The following SUPT6H variants were observed in gnomAD, a reference collection of about 807,000 sequenced individuals.
The protein encoded by SUPT6H is SPT6 homolog, histone chaperone and transcription elongation factor, also known as transcription elongation factor SPT6.
A neutral mutation model predicts 222.3 loss-of-function variants in SUPT6H; 11 were observed. That is an observed-to-expected ratio of 0.05 (90% confidence interval 0.03 to 0.08). SUPT6H has a LOEUF of 0.08. Ranked by LOEUF, SUPT6H falls within the 10% of genes least tolerant of loss-of-function variation. The pLI is 1.00. For synonymous variants in SUPT6H, 762 were observed against 801.2 expected (o/e 0.95, Z 0.83); for missense variants, 1,422 against 2,216.0 (o/e 0.64, Z 7.19).
chr17:28,701,393 C>G (rs767139885), intron 36 of SUPT6H, 46 bp from the exon 37 acceptor site: 1 of 1,592,384 alleles, frequency 6.3e-7, no homozygotes, highest in South Asian at 1.1e-5. Flanking sequence ...GGTGGGAAGA[C>G]TTCCTTCTAG....
In SUPT6H at chr17:28,662,273, T is replaced by C. The variant is rs2072067614; in HGVS notation, c.-101T>C. The C allele has an allele frequency of 6.1e-6, 1 of 164,388 alleles. No homozygotes were observed. The highest frequency in any genetic ancestry group is 2.8e-3 in the Middle Eastern group (1 of 362). 10.2% of individuals were successfully genotyped at this position (164,388 alleles called of 1,614,324 possible). The stretch of plus-strand genomic sequence containing the variant: ...GTGGGTCCGTACTATCTTTTCCCAG[T>C]CTCGGTTCGACGACTCCATTTTCCT... On this transcript the variant is annotated 5_prime_UTR_variant, in exon 1 of 37. Transcript: ENST00000314616.
intron 1 of SUPT6H, among the ~76,000 whole-genome samples, chr17:28,667,436 T>TATATATAC (rs56080250): frequency 1.5e-5 from 2 of 132,424 alleles, no homozygotes; most frequent in African/African-American, 5.6e-5. Flanking sequence ...TATATATATA[T>TATATATAC]GTATGTGTGT....
chr17:28,666,899 T>C (rs2030058490), intron 1 of SUPT6H, among the ~76,000 whole-genome samples: 1 of 152,230 alleles, frequency 6.6e-6, no homozygotes, highest in South Asian at 2.1e-4. Flanking sequence ...ACTTTTTCTG[T>C]ATTTTAACAT....
At chr17:28,691,738 C>T (rs1398949932) in intron 27 of SUPT6H, 3 of 151,212 alleles carry the variant, frequency 2.0e-5, no homozygotes, top group Admixed American at 2.0e-4. Context: ...TAGTCCCAGC[C>T]ACTCAGGAGG....
intron 34 of SUPT6H, 24 bp downstream of exon 34, chr17:28,700,274 G>A (rs765366918): frequency 6.2e-7 from 1 of 1,614,208 alleles, no homozygotes; most frequent in South Asian, 1.1e-5. Flanking sequence ...GCCTGGGACT[G>A]GAGGTGGGAA....
Position 28,686,467 on chromosome 17 carries a change from CTTA to C in SUPT6H, c.2564+58_2564+60del, listed in dbSNP as rs768079476. ...TTTAAGGCCGTGACCCAACTCATCC[CTTA>C]TTATTGAGTCTGGCATATGCCCATA... On this transcript the variant is annotated intron_variant, in intron 20 of 36. Coordinates refer to ENST00000314616, the MANE Select transcript of SUPT6H (RefSeq NM_003170.5). 19 of 1,587,268 alleles carry C rather than the reference CTTA, an allele frequency of 1.2e-5. No homozygotes were observed. The East Asian group carries it at 2.0e-4, about 17-fold the overall frequency.
rs181745582 is a variant in SUPT6H at position 28,684,702 on chromosome 17, C to T, written c.2346C>T (p.Leu782=). The part of the protein sequence containing the change: ...DENQGKGIRV[L]GIAFSSARDH... ...ACCAAGGGAAGGGCATTCGAGTCCTCGGCATTGCTTTCTCCTCTGCCAGGT... is the reference window on the plus strand; with the variant it reads ...ACCAAGGGAAGGGCATTCGAGTCCTTGGCATTGCTTTCTCCTCTGCCAGGT... The change falls in exon 18 of 37, where the codon CTC becomes CTT. Residue 782 remains leucine (L), a synonymous_variant. Transcript: ENST00000314616. 3.5e-5 allele frequency: 57 copies of T among 1,614,208 alleles called. No homozygotes were observed. In the East Asian group the frequency reaches 9.8e-4, roughly 28 times the overall value.
rs773414105 is a variant in SUPT6H, at chr17:28,681,253, C to G, written c.1350-3C>G. On this transcript the variant is annotated splice_region_variant and splice_polypyrimidine_tract_variant and intron_variant, in intron 11 of 36. Transcript: ENST00000314616. The stretch of plus-strand genomic sequence containing the variant: ...CTGAAACCTTATGTCTCTTCTTTTT[C>G]AGGCTCAAGGATGTCCAATCAATGG... 1.2e-6 allele frequency: 2 copies of G among 1,613,406 alleles called. No homozygotes were observed. The highest frequency in any genetic ancestry group is 2.2e-5 in the South Asian group (2 of 91,000).
In SUPT6H at chr17:28,676,230, G is replaced by A. The variant is rs199536146; in HGVS notation, c.697G>A (p.Asp233Asn). The A allele has an allele frequency of 6.2e-7, 1 of 1,613,406 alleles. No individual in the cohort carries two copies. The highest frequency in any genetic ancestry group is 1.7e-5 in the Admixed American group (1 of 59,740). The change falls in exon 7 of 37, where the codon GAT (aspartate) becomes AAT (asparagine). Residue 233 changes from aspartate (D) to asparagine (N), a missense_variant. Transcript: ENST00000314616. ...TGAATTTGAGAAATACAATGAGTAT[G>A]ATGAAGAACTGGAGGAAGAGTATGA... ...YDEFEKYNEYDEELEEEYEYE... is the reference protein window; with the variant it reads ...YDEFEKYNEYNEELEEEYEYE...
intron 1 of SUPT6H, chr17:28,672,573 C>G (rs2030487989): frequency 6.6e-6 from 1 of 152,008 alleles, no homozygotes; most frequent in Non-Finnish European, 1.5e-5. Flanking sequence ...GCCACCATAC[C>G]CGGATAATTT....
At chr17:28,700,722 A>G (rs1269279802) in intron 35 of SUPT6H, 6 of 930,876 alleles carry the variant, frequency 6.4e-6, no homozygotes, top group Non-Finnish European at 9.5e-6. Flanking sequence ...GATCTTTGGA[A>G]CCCGCAAGCC....
At chr17:28,667,224 A>T (rs942743842) in intron 1 of SUPT6H, among the ~76,000 whole-genome samples, 1 of 131,734 alleles carries the variant, frequency 7.6e-6, no homozygotes, top group Non-Finnish European at 1.7e-5. Context: ...AAAAAAAAAT[A>T]GCTGGGCGTG....
At chr17:28,696,035 G>A (rs1019095268) in intron 29 of SUPT6H, among the ~76,000 whole-genome samples, 2 of 152,076 alleles carry the variant, frequency 1.3e-5, no homozygotes, top group African/African-American at 2.4e-5. Flanking sequence ...AGCCAGGTGC[G>A]GTGGCTCATG....
Position 28,700,949 on chromosome 17 carries a change from A to G in SUPT6H, c.4815A>G (p.Pro1605=). ...TGTTCATGCCTCTCCAGGTATTCCC[A>G]ACGCCAGCCCAGCAGCCAGTGGCCA... is the stretch of plus-strand genomic sequence containing the variant. The part of the protein sequence containing the change: ...GGGSSAYHVF[P]TPAQQPVATP... The change falls in exon 36 of 37, where the codon CCA becomes CCG. Residue 1605 remains proline, a synonymous_variant. Coordinates refer to ENST00000314616, the MANE Select transcript of SUPT6H (RefSeq NM_003170.5). 1 of 1,611,254 alleles carries G rather than the reference A, an allele frequency of 6.2e-7. No individual in the cohort carries two copies. Among genetic ancestry groups the G allele is most frequent in the South Asian group, 1.1e-5 (1 of 90,980 alleles).
At position 28,701,457 on chromosome 17, in the gene SUPT6H, C is replaced by T. The variant is rs776671129; in HGVS notation, c.5013C>T (p.Ala1671=). 2 of 1,614,166 alleles carry T rather than the reference C, an allele frequency of 1.2e-6. No individual in the cohort carries two copies. The highest frequency in any genetic ancestry group is 1.7e-6 in the Non-Finnish European group (2 of 1,180,020). ...QQQPKSNSHA[A]IDWGKMAEQW... ...CTCCCAGGTCCAACAGCCATGCAGC[C>T]ATCGACTGGGGAAAAATGGCGGAGC... Residue 1671 remains alanine, a synonymous_variant, in exon 37 of 37, where the codon GCC becomes GCT. Coordinates refer to ENST00000314616, the MANE Select transcript of SUPT6H (RefSeq NM_003170.5).
At position 28,662,895 on chromosome 17, in the gene SUPT6H, A is replaced by T. The variant is rs141283693; in HGVS notation, c.-32+553A>T. ...AAGCCCGTCCATTCTCTATAGATTC[A>T]TTTCCTCAAACGTTTGCCAGAGGCC... On this transcript the variant is annotated intron_variant, in intron 1 of 36. Transcript: ENST00000314616. Among the ~76,000 whole-genome samples the T allele has an allele frequency of 3.8e-3, 582 of 152,286 alleles. 3 individuals are homozygous for T. The highest frequency in any genetic ancestry group is 0.013 in the African/African-American group (555 of 41,546).
intron 22 of SUPT6H, 21 bp from the exon 23 acceptor site, chr17:28,687,283 C>T (rs1374064842): frequency 2.5e-6 from 4 of 1,614,154 alleles, no homozygotes; most frequent in East Asian, 2.2e-5. Context: ...AACCTTACTC[C>T]TGCCTGCTGA....
intron 35 of SUPT6H, 79 bp from the exon 36 acceptor site, chr17:28,700,862 C>T: frequency 6.6e-7 from 1 of 1,508,278 alleles, no homozygotes; most frequent in Non-Finnish European, 9.0e-7. Context: ...CTGAGCCCAC[C>T]CTTGCGCTTA....
At chr17:28,701,382 T>G in intron 36 of SUPT6H, 57 bp from the exon 37 acceptor site, 1 of 1,581,216 alleles carries the variant, frequency 6.3e-7, no homozygotes, top group South Asian at 1.2e-5. Context: ...GTACAGTGAT[T>G]GGTGGGAAGA....
Sources: gnomAD v4.1 joint callset for allele counts (sites outside exome capture counted in the v4.1 genomes callset) on GRCh38, gnomAD v4.1.1 for gene constraint, MANE v1.5 for transcripts, NCBI Gene and HGNC (gene_info 2026-07-23, HGNC 2026-07-21) for gene names.